The following PRRX1 variants were observed in gnomAD, a reference collection of about 807,000 sequenced individuals.
The protein encoded by PRRX1 is paired mesoderm homeobox protein 1.
PRRX1 carries 8 observed loss-of-function variants against 24.0 expected under a neutral mutation model. The observed-to-expected ratio is 0.33, with a 90% CI of 0.20 to 0.60. PRRX1 has a LOEUF of 0.60. Among genes scored for constraint, PRRX1 ranks in the 20% least tolerant of loss-of-function variants. The pLI is 0.82. For synonymous variants in PRRX1, 160 were observed against 131.7 expected, an observed-to-expected ratio of 1.22 and a Z score of -1.47; for missense variants, 281 against 322.4, an observed-to-expected ratio of 0.87 and a Z score of 0.98.
intron 3 of PRRX1, among the ~76,000 whole-genome samples, chr1:170,735,529 G>C (rs557935736): frequency 6.6e-6 from 1 of 152,238 alleles, no homozygotes; most frequent in South Asian, 2.1e-4. Context: ...TGTTTAACTG[G>C]TTCTCCAGGC....
chr1:170,730,209 T>C, intron 3 of PRRX1: 1 of 1,324,306 alleles, frequency 7.6e-7, no homozygotes, highest in Non-Finnish European at 1.1e-6. Context: ...TTGATCGTGG[T>C]CATGGTGCTG....
intron 1 of PRRX1, among the ~76,000 whole-genome samples, chr1:170,671,980 C>A (rs886073451): frequency 6.6e-6 from 1 of 152,190 alleles, no homozygotes; most frequent in African/African-American, 2.4e-5. Context: ...CAGAAGCCCT[C>A]ACAGTGCCTG....
intron 1 of PRRX1, among the ~76,000 whole-genome samples, chr1:170,703,094 G>A (rs920820435): frequency 1.3e-5 from 2 of 152,174 alleles, no homozygotes; most frequent in African/African-American, 4.8e-5. Context: ...ATATCAAGAA[G>A]TTTATCTGTC....
In PRRX1 at chr1:170,738,981, G is replaced by A. The variant is rs754493909; in HGVS notation, c.*2795G>A. ...CACTTGATCAAGAAATATACATGTTGTACAAGCTCTCAATTTTGTTCATTT... is the reference window on the plus strand; with the variant it reads ...CACTTGATCAAGAAATATACATGTTATACAAGCTCTCAATTTTGTTCATTT... On this transcript the variant is annotated 3_prime_UTR_variant, in exon 4 of 4. Transcript: ENST00000239461. The A allele has an allele frequency of 4.4e-6, 1 of 225,014 alleles. No homozygotes were observed. Among genetic ancestry groups the A allele is most frequent in the Non-Finnish European group, 8.9e-6 (1 of 112,992 alleles). 13.9% of individuals were successfully genotyped at this position (225,014 alleles called of 1,614,324 possible). A position where few individuals can be genotyped will look rare whatever the true frequency, so the allele number is the denominator to read the frequency against.
chr1:170,665,245 C>T (rs1366856698), intron 1 of PRRX1, among the ~76,000 whole-genome samples: 1 of 151,992 alleles, frequency 6.6e-6, no homozygotes, highest in Non-Finnish European at 1.5e-5. Flanking sequence ...CCAGTGTCAC[C>T]TTAGAGGAGC....
At chr1:170,704,616 T>C (rs555209860) in intron 1 of PRRX1, among the ~76,000 whole-genome samples, 49 of 152,234 alleles carry the variant, frequency 3.2e-4, no homozygotes, top group Non-Finnish European at 6.6e-4. Flanking sequence ...GTTGGTGTCA[T>C]ACATCTTTCC....
At chr1:170,689,413 A>G (rs1039011797) in intron 1 of PRRX1, among the ~76,000 whole-genome samples, 1 of 152,186 alleles carries the variant, frequency 6.6e-6, no homozygotes, top group African/African-American at 2.4e-5. Flanking sequence ...AATGCAAATG[A>G]CAAAATATAG....
At position 170,682,973 on chromosome 1, in the gene PRRX1, AAAG is replaced by A. The variant is rs141115305; in HGVS notation, c.241+18518_241+18520del. On this transcript the variant is annotated intron_variant, in intron 1 of 3. Transcript: ENST00000239461. ...AACAAGCTTTATAGCCAAGGAACAG[AAAG>A]AAGGTCAATGTGACTGGAAGATAGT... Among the ~76,000 whole-genome samples the A allele has an allele frequency of 4.5e-3, 691 of 152,350 alleles. 3 individuals carry two copies. Among genetic ancestry groups the A allele is most frequent in the African/African-American group, 0.015 (613 of 41,574 alleles).
intron 3 of PRRX1, chr1:170,730,440 G>A: frequency 8.8e-7 from 1 of 1,135,342 alleles, no homozygotes; most frequent in East Asian, 2.4e-5. Flanking sequence ...TGCAGTTCTA[G>A]AAATTTCAGC....
chr1:170,687,716 T>G (rs929353857), intron 1 of PRRX1, among the ~76,000 whole-genome samples: 3 of 152,216 alleles, frequency 2.0e-5, no homozygotes, highest in African/African-American at 7.2e-5. Context: ...TTGATTCTTA[T>G]TTTACAATTG....
intron 1 of PRRX1, among the ~76,000 whole-genome samples, chr1:170,694,000 G>C (rs548928377): frequency 2.0e-5 from 3 of 151,994 alleles, no homozygotes; most frequent in African/African-American, 7.2e-5. Flanking sequence ...GAAGCAAAGA[G>C]AGGCTTAGTT....
chr1:170,683,293 G>T (rs12066968), intron 1 of PRRX1, among the ~76,000 whole-genome samples: 12,186 of 152,254 alleles, frequency 0.08, 659 homozygotes, highest in African/African-American at 0.15. Context: ...TATGGGTGAG[G>T]ATAGAGCAGC....
chr1:170,687,353 T>TG (rs1653780230), intron 1 of PRRX1, among the ~76,000 whole-genome samples: 1 of 152,218 alleles, frequency 6.6e-6, no homozygotes, highest in South Asian at 2.1e-4. Flanking sequence ...AGTCTCCTTC[T>TG]CTAGCCTCTT....
intron 1 of PRRX1, among the ~76,000 whole-genome samples, chr1:170,689,265 ACT>A (rs1653848321): frequency 6.6e-6 from 1 of 152,056 alleles, no homozygotes; most frequent in East Asian, 1.9e-4. Flanking sequence ...ATTTAGTGAG[ACT>A]CTTTCTGTGG....
intron 1 of PRRX1, among the ~76,000 whole-genome samples, chr1:170,708,197 T>A (rs1400802200): frequency 6.6e-6 from 1 of 152,184 alleles, no homozygotes; most frequent in Non-Finnish European, 1.5e-5. Flanking sequence ...ACTCATAGAT[T>A]TCCACTCCAG....
At chr1:170,721,628 G>A (rs1402795548) in intron 2 of PRRX1, among the ~76,000 whole-genome samples, 1 of 152,200 alleles carries the variant, frequency 6.6e-6, no homozygotes, top group Admixed American at 6.5e-5. Flanking sequence ...GGGCCCCTGA[G>A]GGTAGATCAG....
chr1:170,703,509 A>G (rs1654458995), intron 1 of PRRX1, among the ~76,000 whole-genome samples: 1 of 152,266 alleles, frequency 6.6e-6, no homozygotes, highest in South Asian at 2.1e-4. Context: ...TTGACATTAC[A>G]TTAGTTCCTG....
intron 2 of PRRX1, among the ~76,000 whole-genome samples, chr1:170,723,669 T>C (rs968180586): frequency 6.4e-4 from 97 of 152,316 alleles, no homozygotes; most frequent in African/African-American, 2.3e-3. Context: ...TGCTTAACAA[T>C]GGGGATCTGT....
At chr1:170,672,176 G>C (rs999363694) in intron 1 of PRRX1, among the ~76,000 whole-genome samples, 3 of 152,026 alleles carry the variant, frequency 2.0e-5, no homozygotes, top group Non-Finnish European at 4.4e-5. Flanking sequence ...TCCATTTTTG[G>C]GCAAGAGTTT....
Sources: allele counts gnomAD v4.1 joint callset (sites outside exome capture counted in the v4.1 genomes callset), GRCh38; gene constraint gnomAD v4.1.1; transcripts MANE v1.5; gene names NCBI Gene and HGNC (gene_info 2026-07-23, HGNC 2026-07-21).